The following SMIM19 variants were observed in gnomAD, a reference collection of about 807,000 sequenced individuals.
SMIM19 encodes small integral membrane protein 19, also known as UPF0697 protein C8orf40.
In SMIM19, 6 loss-of-function variants were observed where a neutral mutation model predicts 13.2. The ratio of observed to expected loss-of-function variants is 0.45; its 90% CI spans 0.25 to 0.90. The LOEUF is 0.90. Among genes scored for constraint, SMIM19 ranks in the 40% least tolerant of loss-of-function variants. SMIM19 has a pLI of 0.19. For synonymous variants in SMIM19, 46 were observed against 43.1 expected, an observed-to-expected ratio of 1.07 and a Z score of -0.27; for missense variants, 138 against 131.0, an observed-to-expected ratio of 1.05 and a Z score of -0.26.
At position 42,548,627 on chromosome 8, in the gene SMIM19, C is replaced by T. The variant is rs1813564695; in HGVS notation, c.135-29C>T. On this transcript the variant is annotated intron_variant, in intron 2 of 3. Transcript: ENST00000417410. ...ACAACTCTATAGACATTAATACAAA[C>T]ATCTCTTCTGCATGGATTTTGTGTT... 1.9e-6 allele frequency: 3 copies of T among 1,611,976 alleles called. No individual in the cohort carries two copies. The South Asian group carries it at 3.3e-5, about 18-fold the overall frequency.
rs1813199898 is a variant in SMIM19, at chr8:42,541,748, GCCGCGTCACCCGGCCCCGCC to G, written c.-624_-605del. ...CCCGCTTCTCCCGGTCCCCGGCGGGGCCGCGTCACCCGGCCCCGCCCCGCGCCGCCCGCCCCGCCCCGGAC... is the reference window on the plus strand; with the variant it reads ...CCCGCTTCTCCCGGTCCCCGGCGGGGCCGCGCCGCCCGCCCCGCCCCGGAC... On this transcript the variant is annotated 5_prime_UTR_variant, in exon 1 of 4. Transcript: ENST00000417410. 1 of 149,398 alleles carries G rather than the reference GCCGCGTCACCCGGCCCCGCC, an allele frequency of 6.7e-6. No individual in the cohort carries two copies. The highest frequency in any genetic ancestry group is 2.1e-4 in the South Asian group (1 of 4,840). The allele number at this position is 149,398 out of a possible 1,614,324, so 9.3% of individuals were successfully genotyped here.
chr8:42,547,889 C>T (rs1265139446), intron 2 of SMIM19, among the ~76,000 whole-genome samples: 2 of 152,196 alleles, frequency 1.3e-5, no homozygotes, highest in Non-Finnish European at 2.9e-5. Flanking sequence ...TGGGATGCTT[C>T]TGCAGACACA....
Position 42,553,625 on chromosome 8 carries a change from G to A in SMIM19, c.*1017G>A, listed in dbSNP as rs530555654. 1 of 152,318 alleles carries A rather than the reference G, an allele frequency of 6.6e-6. No homozygotes were observed. Among genetic ancestry groups the A allele is most frequent in the African/African-American group, 2.4e-5 (1 of 41,582 alleles). 9.4% of individuals were successfully genotyped at this position (152,318 alleles called of 1,614,324 possible). ...AAATAAAAGCTGACTGGGTAATAGT[G>A]GGGAAGTTTAATTGTCCACATAAGT... On this transcript the variant is annotated 3_prime_UTR_variant, in exon 4 of 4. Transcript: ENST00000417410.
chr8:42,554,347 A>G lies in SMIM19; in HGVS notation c.*1739A>G, dbSNP rs1425399931. 1 of 152,220 alleles carries G rather than the reference A, an allele frequency of 6.6e-6. No homozygotes were observed. The highest frequency in any genetic ancestry group is 1.5e-5 in the Non-Finnish European group (1 of 68,050). The allele number at this position is 152,220 out of a possible 1,614,324, so 9.4% of individuals were successfully genotyped here. ...ACTGTATATTTCCACAAGTGAATTTAATCAGCAGTAGGAGTGGTTTACTCG... is the reference window on the plus strand; with the variant it reads ...ACTGTATATTTCCACAAGTGAATTTGATCAGCAGTAGGAGTGGTTTACTCG... On this transcript the variant is annotated 3_prime_UTR_variant, in exon 4 of 4. Transcript: ENST00000417410.
At chr8:42,548,591 A>G (rs1050758518) in intron 2 of SMIM19, 65 bp from the exon 3 acceptor site, 39 of 1,593,816 alleles carry the variant, frequency 2.4e-5, no homozygotes, top group Non-Finnish European at 2.8e-5. Context: ...GACCAGGATC[A>G]TGAGCATATT....
rs1371959097 is a variant in SMIM19, at chr8:42,541,760, G to A, written c.-618G>A. On this transcript the variant is annotated 5_prime_UTR_variant, in exon 1 of 4. Transcript: ENST00000417410. ...GGTCCCCGGCGGGGCCGCGTCACCC[G>A]GCCCCGCCCCGCGCCGCCCGCCCCG... The A allele has an allele frequency of 6.7e-6, 1 of 148,954 alleles. No homozygotes were observed. The highest frequency in any genetic ancestry group is 1.5e-5 in the Non-Finnish European group (1 of 66,924). 9.2% of individuals were successfully genotyped at this position (148,954 alleles called of 1,614,324 possible).
chr8:42,544,149 C>T (rs1160750782), intron 1 of SMIM19, among the ~76,000 whole-genome samples: 2 of 152,134 alleles, frequency 1.3e-5, no homozygotes, highest in Admixed American at 6.6e-5. Flanking sequence ...CGGTGGCTCA[C>T]GCTTGTAATC....
Position 42,548,646 on chromosome 8 carries a change from T to C in SMIM19, c.135-10T>C. On this transcript the variant is annotated splice_polypyrimidine_tract_variant and intron_variant, in intron 2 of 3. Transcript: ENST00000417410. Reference sequence around the variant, plus strand: ...TACAAACATCTCTTCTGCATGGATTTTGTGTTTAGGAACAAAAGGAGAATT... The same window carrying C: ...TACAAACATCTCTTCTGCATGGATTCTGTGTTTAGGAACAAAAGGAGAATT... 1 of 1,613,370 alleles carries C rather than the reference T, an allele frequency of 6.2e-7. No individual in the cohort carries two copies. The highest frequency in any genetic ancestry group is 8.5e-7 in the Non-Finnish European group (1 of 1,179,710).
At chr8:42,549,995 T>G (rs1291466346) in intron 3 of SMIM19, among the ~76,000 whole-genome samples, 1 of 151,626 alleles carries the variant, frequency 6.6e-6, no homozygotes, top group Non-Finnish European at 1.5e-5. Flanking sequence ...ACTCAGGAGG[T>G]TGAGGCAAGA....
At chr8:42,549,305 G>A (rs1813590310) in intron 3 of SMIM19, among the ~76,000 whole-genome samples, 1 of 151,970 alleles carries the variant, frequency 6.6e-6, no homozygotes, top group African/African-American at 2.4e-5. Flanking sequence ...CCAGCTACTC[G>A]GGAGGCAGAG....
intron 2 of SMIM19, 72 bp from the exon 3 acceptor site, chr8:42,548,584 C>G: frequency 1.2e-5 from 19 of 1,582,316 alleles, no homozygotes; most frequent in South Asian, 1.0e-4. Context: ...TTCTGATGAC[C>G]AGGATCATGA....
intron 1 of SMIM19, among the ~76,000 whole-genome samples, chr8:42,542,955 G>C (rs1320358361): frequency 6.7e-6 from 1 of 149,050 alleles, no homozygotes; most frequent in African/African-American, 2.5e-5. Context: ...CCTCCAGCCT[G>C]GGTGACAGAG....
intron 1 of SMIM19, among the ~76,000 whole-genome samples, chr8:42,545,460 G>A (rs1813446707): frequency 6.6e-6 from 1 of 152,206 alleles, no homozygotes; most frequent in African/African-American, 2.4e-5. Context: ...AGAGAGCCAT[G>A]TTCTGGCTGT....
At position 42,553,653 on chromosome 8, in the gene SMIM19, A is replaced by G. The variant is rs773140751; in HGVS notation, c.*1045A>G. Reference sequence around the variant, plus strand: ...GAAGTTTAATTGTCCACATAAGTCAAAAGAATCCGTTTTTGAACTAGAGCT... The same window carrying G: ...GAAGTTTAATTGTCCACATAAGTCAGAAGAATCCGTTTTTGAACTAGAGCT... On this transcript the variant is annotated 3_prime_UTR_variant, in exon 4 of 4. Coordinates refer to ENST00000417410, the MANE Select transcript of SMIM19 (RefSeq NM_001135674.2). The G allele has an allele frequency of 6.6e-6, 1 of 152,254 alleles. No individual in the cohort carries two copies. The highest frequency in any genetic ancestry group is 1.5e-5 in the Non-Finnish European group (1 of 68,052). The allele number at this position is 152,254 out of a possible 1,614,324, so 9.4% of individuals were successfully genotyped here.
chr8:42,543,483 C>T (rs1244020876), intron 1 of SMIM19, among the ~76,000 whole-genome samples: 3 of 152,200 alleles, frequency 2.0e-5, no homozygotes, highest in Admixed American at 6.5e-5. Flanking sequence ...GACTTCATGA[C>T]ATACCAATCA....
In SMIM19 at chr8:42,548,675, A is replaced by C; in HGVS notation, c.154A>C (p.Arg52=). The change falls in exon 3 of 4, where the codon AGG becomes CGG. Residue 52 remains arginine, a synonymous_variant. Coordinates refer to ENST00000417410, the MANE Select transcript of SMIM19 (RefSeq NM_001135674.2). ...YAKRNKRRIM[R]IFSVPPTEET... ...GTTTAGGAACAAAAGGAGAATTATGAGGATATTCAGTGTGCCACCTACAGA... is the reference window on the plus strand; with the variant it reads ...GTTTAGGAACAAAAGGAGAATTATGCGGATATTCAGTGTGCCACCTACAGA... The C allele has an allele frequency of 1.9e-6, 3 of 1,613,750 alleles. No homozygotes were observed. The highest frequency in any genetic ancestry group is 2.5e-6 in the Non-Finnish European group (3 of 1,179,870).
intron 3 of SMIM19, among the ~76,000 whole-genome samples, chr8:42,549,662 T>A (rs1489152450): frequency 1.3e-5 from 2 of 151,962 alleles, no homozygotes; most frequent in Non-Finnish European, 2.9e-5. Context: ...GTGGTGATAG[T>A]CCCAGCAATG....
At chr8:42,547,544 A>G (rs1056621636) in intron 2 of SMIM19, among the ~76,000 whole-genome samples, 2 of 152,208 alleles carry the variant, frequency 1.3e-5, no homozygotes, top group African/African-American at 4.8e-5. Flanking sequence ...CTGAATGCAG[A>G]AACACTGACT....
At chr8:42,550,423 A>G (rs1813635783) in intron 3 of SMIM19, among the ~76,000 whole-genome samples, 1 of 152,146 alleles carries the variant, frequency 6.6e-6, no homozygotes, top group Non-Finnish European at 1.5e-5. Flanking sequence ...CACCGTGCTA[A>G]CTTCAGGGTG....
Sources: gnomAD v4.1 joint callset for allele counts (sites outside exome capture counted in the v4.1 genomes callset) on GRCh38, gnomAD v4.1.1 for gene constraint, MANE v1.5 for transcripts, NCBI Gene and HGNC (gene_info 2026-07-23, HGNC 2026-07-21) for gene names.